The following FAM168A variants were observed in gnomAD, a reference collection of about 807,000 sequenced individuals.
The protein encoded by FAM168A is family with sequence similarity 168 member A.
In FAM168A, 3 loss-of-function variants were observed where a neutral mutation model predicts 28.5. The ratio of observed to expected loss-of-function variants is 0.11; its 90% CI spans 0.05 to 0.27. FAM168A has a LOEUF of 0.27. FAM168A is among the 10% of genes least tolerant of loss of function. The pLI, the probability that FAM168A is intolerant of heterozygous loss-of-function variation, is 1.00. For missense variants in FAM168A, 222 were observed against 311.5 expected (o/e 0.71, Z 2.16); for synonymous variants, 122 against 124.2 (o/e 0.98, Z 0.12).
intron 2 of FAM168A, among the ~76,000 whole-genome samples, chr11:73,444,328 G>C (rs945066320): frequency 6.6e-6 from 1 of 152,198 alleles, no homozygotes; most frequent in East Asian, 1.9e-4. Context: ...ATTGTTTGAT[G>C]AAAAATCTTC....
intron 1 of FAM168A, among the ~76,000 whole-genome samples, chr11:73,566,793 A>G (rs1185366804): frequency 6.6e-6 from 1 of 152,244 alleles, no homozygotes; most frequent in Non-Finnish European, 1.5e-5. Flanking sequence ...ATTACTATAA[A>G]ATGTTACAGG....
At chr11:73,508,467 T>C (rs942645943) in intron 1 of FAM168A, among the ~76,000 whole-genome samples, 3 of 152,110 alleles carry the variant, frequency 2.0e-5, no homozygotes, top group Non-Finnish European at 2.9e-5. Context: ...GTCAGAAAGG[T>C]GAGGCCTGGG....
rs879663676 is a variant in FAM168A, at chr11:73,473,818, CT to C, written c.-18-5327del. On this transcript the variant is annotated intron_variant, in intron 1 of 7. Transcript: ENST00000356467. The stretch of plus-strand genomic sequence containing the variant: ...TTCTCTGTTCTCTCATCCTTTCTTA[CT>C]TTTTTTTTTTTTGAGATGGAGTCTC... Among the ~76,000 whole-genome samples the C allele has an allele frequency of 1.8e-3, 256 of 145,574 alleles. 1 individual carries two copies. The highest frequency in any genetic ancestry group is 5.2e-3 in the South Asian group (24 of 4,604).
intron 1 of FAM168A, among the ~76,000 whole-genome samples, chr11:73,471,228 A>T (rs909984769): frequency 2.0e-5 from 3 of 152,142 alleles, no homozygotes; most frequent in Admixed American, 2.0e-4. Context: ...TAAACTCTAC[A>T]ATCAGGCAGA....
intron 3 of FAM168A, 121 bp from the exon 4 acceptor site, chr11:73,420,120 C>A: frequency 8.5e-7 from 1 of 1,173,646 alleles, no homozygotes; most frequent in Non-Finnish European, 1.2e-6. Context: ...CCTGTTCAGA[C>A]ACATGGGATG....
chr11:73,514,986 A>G (rs1392329594), intron 1 of FAM168A, among the ~76,000 whole-genome samples: 13 of 152,204 alleles, frequency 8.5e-5, no homozygotes, highest in Admixed American at 8.5e-4. Context: ...ACACCTACCC[A>G]TGGACCAGTG....
At chr11:73,531,025 G>A (rs921941833) in intron 1 of FAM168A, among the ~76,000 whole-genome samples, 4 of 152,120 alleles carry the variant, frequency 2.6e-5, no homozygotes, top group African/African-American at 9.7e-5. Flanking sequence ...CTCCCATCAG[G>A]GGAACCTACT....
At chr11:73,420,689 G>A (rs1266446494) in intron 3 of FAM168A, among the ~76,000 whole-genome samples, 1 of 152,194 alleles carries the variant, frequency 6.6e-6, no homozygotes, top group Non-Finnish European at 1.5e-5. Flanking sequence ...TGCCCCACCT[G>A]GGATATTTCC....
intron 1 of FAM168A, among the ~76,000 whole-genome samples, chr11:73,588,937 C>T (rs1287808064): frequency 6.6e-6 from 1 of 152,132 alleles, no homozygotes; most frequent in Non-Finnish European, 1.5e-5. Flanking sequence ...CTTTCTCTCT[C>T]TTCTCCCTCT....
chr11:73,468,412 G>A lies in FAM168A; in HGVS notation c.63C>T (p.Ala21=), dbSNP rs1867768685. 13 of 1,614,072 alleles carry A rather than the reference G, an allele frequency of 8.1e-6. No homozygotes were observed. The highest frequency in any genetic ancestry group is 1.1e-5 in the Non-Finnish European group (13 of 1,179,944). The part of the protein sequence containing the change: ...GAPYGNPKNM[A]YTGYPTAYPA... The stretch of plus-strand genomic sequence containing the variant: ...CATTCTCACACTACTCACCCGTGTA[G>A]GCCATGTTCTTAGGGTTGCCATAAG... Residue 21 remains alanine, a synonymous_variant, in exon 2 of 8, where the codon GCC becomes GCT. Transcript: ENST00000356467.
At chr11:73,495,370 A>T (rs1299629193) in intron 1 of FAM168A, among the ~76,000 whole-genome samples, 3 of 152,312 alleles carry the variant, frequency 2.0e-5, no homozygotes, top group Non-Finnish European at 2.9e-5. Context: ...CAAACTGAAG[A>T]GTGTGTGATG....
At chr11:73,499,209 G>A (rs1309272667) in intron 1 of FAM168A, among the ~76,000 whole-genome samples, 2 of 152,054 alleles carry the variant, frequency 1.3e-5, no homozygotes, top group Non-Finnish European at 2.9e-5. Context: ...GCATGGGAGT[G>A]AATCAGATGA....
intron 1 of FAM168A, among the ~76,000 whole-genome samples, chr11:73,497,020 C>T (rs931499123): frequency 1.3e-5 from 2 of 152,114 alleles, no homozygotes; most frequent in Admixed American, 6.5e-5. Flanking sequence ...GAAAAATGGC[C>T]GAATTCAGAA....
intron 1 of FAM168A, among the ~76,000 whole-genome samples, chr11:73,531,949 C>T (rs953067198): frequency 2.7e-5 from 4 of 150,800 alleles, no homozygotes; most frequent in Admixed American, 6.6e-5. Context: ...GAACCACAGG[C>T]GCACACCATC....
chr11:73,414,216 G>A (rs1183948198), intron 4 of FAM168A, among the ~76,000 whole-genome samples: 1 of 152,156 alleles, frequency 6.6e-6, no homozygotes, highest in Non-Finnish European at 1.5e-5. Context: ...ATTGAAGCTA[G>A]TTTTGGTAAA....
intron 1 of FAM168A, among the ~76,000 whole-genome samples, chr11:73,538,034 G>C (rs959234866): frequency 6.6e-6 from 1 of 151,992 alleles, no homozygotes; most frequent in African/African-American, 2.4e-5. Context: ...TGTAACCTTG[G>C]GAAAGGTGAT....
chr11:73,588,558 G>A (rs1052414412), intron 1 of FAM168A, among the ~76,000 whole-genome samples: 3 of 152,026 alleles, frequency 2.0e-5, no homozygotes, highest in African/African-American at 7.2e-5. Context: ...AAGACACGGT[G>A]GCCTGCACCT....
At chr11:73,486,017 A>G (rs1565266466) in intron 1 of FAM168A, among the ~76,000 whole-genome samples, 2 of 152,158 alleles carry the variant, frequency 1.3e-5, no homozygotes, top group Non-Finnish European at 2.9e-5. Context: ...TGATCTACCA[A>G]TACCTTAGAA....
At chr11:73,437,233 G>T (rs972031123) in intron 2 of FAM168A, among the ~76,000 whole-genome samples, 2 of 151,176 alleles carry the variant, frequency 1.3e-5, no homozygotes, top group African/African-American at 4.9e-5. Flanking sequence ...AAGCAGCTGG[G>T]ATTACAGGCA....
Sources: gnomAD v4.1 joint callset for allele counts (sites outside exome capture counted in the v4.1 genomes callset) on GRCh38, gnomAD v4.1.1 for gene constraint, MANE v1.5 for transcripts, NCBI Gene and HGNC (gene_info 2026-07-23, HGNC 2026-07-21) for gene names.